Variants in CNTN5 observed in about 807,000 individuals in gnomAD.
CNTN5 encodes the protein contactin 5, also known as contactin-5.
CNTN5 carries 77 observed loss-of-function variants against 129.1 expected under a neutral mutation model. The observed-to-expected ratio is 0.60, with a 90% CI of 0.50 to 0.72. The LOEUF (loss-of-function observed/expected upper bound fraction) is 0.72. CNTN5 is among the 30% of genes least tolerant of loss of function. The probability of loss-of-function intolerance (pLI) is 0.00; values close to 1 mark genes in which losing one functional copy is unlikely to be tolerated. For missense variants in CNTN5, 1,478 were observed against 1,328.8 expected (o/e 1.11, Z -1.75); for synonymous variants, 509 against 465.6 (o/e 1.09, Z -1.20).
chr11:99,780,760 T>G (rs1194013505), intron 3 of CNTN5, among the ~76,000 whole-genome samples: 12 of 152,084 alleles, frequency 7.9e-5, no homozygotes, highest in Admixed American at 7.9e-4. Context: ...TTGTGTGGTT[T>G]TTTGTTTGTT....
chr11:99,085,004 A>C (rs754393382), intron 1 of CNTN5, among the ~76,000 whole-genome samples: 6 of 152,112 alleles, frequency 3.9e-5, no homozygotes, highest in Non-Finnish European at 8.8e-5. Context: ...TATGTTGGTG[A>C]GGAAAGAAGA....
intron 2 of CNTN5, among the ~76,000 whole-genome samples, chr11:99,518,428 G>A (rs1240779070): frequency 6.6e-6 from 1 of 152,002 alleles, no homozygotes; most frequent in Non-Finnish European, 1.5e-5. Flanking sequence ...AAATCACTAC[G>A]AGTCAAAACC....
chr11:99,878,155 T>C (rs2135843672), intron 6 of CNTN5, among the ~76,000 whole-genome samples: 1 of 152,310 alleles, frequency 6.6e-6, no homozygotes, highest in African/African-American at 2.4e-5. Flanking sequence ...AACCTTCTTA[T>C]TTTAGAGGCA....
chr11:99,514,228 G>C (rs1303172524), intron 2 of CNTN5, among the ~76,000 whole-genome samples: 2 of 152,026 alleles, frequency 1.3e-5, no homozygotes, highest in African/African-American at 4.8e-5. Context: ...GATCAAACTT[G>C]AATTGATGAG....
At chr11:99,270,448 A>G (rs756023031) in intron 1 of CNTN5, among the ~76,000 whole-genome samples, 7 of 151,814 alleles carry the variant, frequency 4.6e-5, no homozygotes, top group Non-Finnish European at 8.8e-5. Context: ...TGGAGACCTA[A>G]CCCCAAAACC....
At chr11:99,934,890 G>GTA (rs2136088719) in intron 7 of CNTN5, among the ~76,000 whole-genome samples, 1 of 7,394 alleles carries the variant, frequency 1.4e-4, no homozygotes, top group East Asian at 3.3e-3. Flanking sequence ...GTGTGTGTGT[G>GTA]TGTGTGTGTA....
At chr11:99,788,898 C>G (rs1945634881) in intron 3 of CNTN5, among the ~76,000 whole-genome samples, 1 of 151,850 alleles carries the variant, frequency 6.6e-6, no homozygotes, top group Non-Finnish European at 1.5e-5. Context: ...CAGCACAGCT[C>G]TTTCAACAGT....
chr11:99,375,668 G>A (rs1940138089), intron 2 of CNTN5, among the ~76,000 whole-genome samples: 1 of 152,110 alleles, frequency 6.6e-6, no homozygotes, highest in South Asian at 2.1e-4. Context: ...CTGGAATTCT[G>A]GAATTTGGGG....
intron 1 of CNTN5, among the ~76,000 whole-genome samples, chr11:99,306,467 C>T (rs191795028): frequency 6.6e-5 from 10 of 152,124 alleles, no homozygotes; most frequent in African/African-American, 2.4e-4. Context: ...AAATAAAATA[C>T]CTACCATAGT....
intron 18 of CNTN5, among the ~76,000 whole-genome samples, chr11:100,287,497 C>T (rs1191628157): frequency 2.0e-5 from 3 of 150,508 alleles, no homozygotes; most frequent in African/African-American, 7.4e-5. Context: ...ATTTCATATC[C>T]AGCCAAACTA....
At chr11:99,832,501 T>G (rs1290832410) in intron 4 of CNTN5, among the ~76,000 whole-genome samples, 1 of 152,222 alleles carries the variant, frequency 6.6e-6, no homozygotes, top group African/African-American at 2.4e-5. Context: ...ATCAATATGC[T>G]TGTTAATAAA....
chr11:99,822,421 A>G (rs1021399201), intron 4 of CNTN5, among the ~76,000 whole-genome samples: 4 of 152,210 alleles, frequency 2.6e-5, no homozygotes, highest in South Asian at 2.1e-4. Flanking sequence ...GTTAAAGTGA[A>G]TAGAAAGAAA....
At chr11:99,609,342 T>A (rs1206238109) in intron 3 of CNTN5, among the ~76,000 whole-genome samples, 1 of 152,112 alleles carries the variant, frequency 6.6e-6, no homozygotes, top group East Asian at 1.9e-4. Flanking sequence ...AGATGAGTGG[T>A]AAGCAATTAT....
rs560146414 is a variant in CNTN5, at chr11:99,762,584, G to C, written c.56-56960G>C. Reference sequence around the variant, plus strand: ...AAAGATCAGATAGTTGTAGATATGCGGCGTTATTTCTGAGGGCTCTGTTCT... The same window carrying C: ...AAAGATCAGATAGTTGTAGATATGCCGCGTTATTTCTGAGGGCTCTGTTCT... On this transcript the variant is annotated intron_variant, in intron 3 of 24. Coordinates refer to ENST00000524871, the MANE Select transcript of CNTN5 (RefSeq NM_014361.4). Among the ~76,000 whole-genome samples the C allele has an allele frequency of 2.6e-4, 39 of 151,914 alleles. 1 individual carries two copies. The South Asian group carries it at 7.7e-3, about 30-fold the overall frequency.
At chr11:99,681,164 ACTC>A (rs1953532961) in intron 3 of CNTN5, among the ~76,000 whole-genome samples, 1 of 152,050 alleles carries the variant, frequency 6.6e-6, no homozygotes, top group African/African-American at 2.4e-5. Context: ...AATGGAATCT[ACTC>A]CTGGTGAAGA....
chr11:100,244,487 C>T (rs766840076), intron 16 of CNTN5, among the ~76,000 whole-genome samples: 1 of 152,130 alleles, frequency 6.6e-6, no homozygotes, highest in Non-Finnish European at 1.5e-5. Context: ...CTTCATCTTT[C>T]AAAACCTTCA....
chr11:99,117,769 G>T (rs1293296115), intron 1 of CNTN5, among the ~76,000 whole-genome samples: 5 of 152,242 alleles, frequency 3.3e-5, no homozygotes, highest in African/African-American at 1.2e-4. Flanking sequence ...CTCTTCTTCT[G>T]CCATGTGAGG....
chr11:100,337,489 A>G (rs1458759040), intron 21 of CNTN5: 1 of 743,342 alleles, frequency 1.3e-6, no homozygotes, highest in African/African-American at 1.7e-5. Flanking sequence ...GAGGGACTGA[A>G]CTTTCAGGAT....
At chr11:99,813,939 A>G (rs1397064952) in intron 3 of CNTN5, among the ~76,000 whole-genome samples, 1 of 152,152 alleles carries the variant, frequency 6.6e-6, no homozygotes, top group Admixed American at 6.6e-5. Flanking sequence ...AGAAGGGGGG[A>G]TAATAATTGA....
Sources: allele counts gnomAD v4.1 joint callset (sites outside exome capture counted in the v4.1 genomes callset), GRCh38; gene constraint gnomAD v4.1.1; transcripts MANE v1.5; gene names NCBI Gene and HGNC (gene_info 2026-07-23, HGNC 2026-07-21).